ADAMTS20: variants seen among roughly 807,000 people sequenced by gnomAD.
ADAMTS20 encodes A disintegrin and metalloproteinase with thrombospondin motifs 20.
A neutral mutation model predicts 260.1 loss-of-function variants in ADAMTS20; 225 were observed. The observed-to-expected ratio is 0.87, with a 90% CI of 0.78 to 0.97. The LOEUF is 0.97. ADAMTS20 is among the 50% of genes least tolerant of loss of function. ADAMTS20 has a pLI of 0.00. For missense variants in ADAMTS20, 2,400 were observed against 2,337.7 expected (o/e 1.03, Z -0.55); for synonymous variants, 802 against 769.5 (o/e 1.04, Z -0.70).
At chr12:43,384,457 C>T (rs1173155058) in intron 29 of ADAMTS20, among the ~76,000 whole-genome samples, 1 of 151,922 alleles carries the variant, frequency 6.6e-6, no homozygotes, top group Admixed American at 6.6e-5. Flanking sequence ...TAAATACTTG[C>T]TAATTTTTTT....
chr12:43,525,994 A>T (rs1943136217), intron 3 of ADAMTS20, among the ~76,000 whole-genome samples: 1 of 152,192 alleles, frequency 6.6e-6, no homozygotes, highest in Non-Finnish European at 1.5e-5. Context: ...CAACATAGAA[A>T]CACTAGGCTT....
intron 31 of ADAMTS20, among the ~76,000 whole-genome samples, chr12:43,380,892 A>G (rs1940335350): frequency 6.6e-6 from 1 of 152,186 alleles, no homozygotes; most frequent in Non-Finnish European, 1.5e-5. Flanking sequence ...TGGTCCTAAA[A>G]TTCACATGGA....
At chr12:43,368,198 T>A (rs888563325) in intron 37 of ADAMTS20, among the ~76,000 whole-genome samples, 1 of 152,146 alleles carries the variant, frequency 6.6e-6, no homozygotes, top group African/African-American at 2.4e-5. Flanking sequence ...TGTTCCAGTG[T>A]CAAATAAAAA....
chr12:43,363,847 A>G (rs1412451318), intron 37 of ADAMTS20, among the ~76,000 whole-genome samples: 1 of 152,238 alleles, frequency 6.6e-6, no homozygotes, highest in African/African-American at 2.4e-5. Context: ...TCTCAAAAAC[A>G]GACTATAAGA....
In ADAMTS20 at chr12:43,425,604, A is replaced by G. The variant is rs1941317608; in HGVS notation, c.4194T>C (p.Cys1398=). The change falls in exon 28 of 39, where the codon TGT becomes TGC. Residue 1398 remains cysteine, a synonymous_variant. Transcript: ENST00000389420. ...CGCTAGGTGGCTTGTTTACAATTTC[A>G]CAGTTGTGATCTTCTAATATTTGGC... ...PNGQILEDHN[C]EIVNKPPSVI... The G allele has an allele frequency of 6.2e-7, 1 of 1,611,504 alleles. No homozygotes were observed. The highest frequency in any genetic ancestry group is 1.7e-5 in the Admixed American group (1 of 59,782).
chr12:43,420,352 TAG>T (rs1941202931), intron 28 of ADAMTS20, among the ~76,000 whole-genome samples: 1 of 152,216 alleles, frequency 6.6e-6, no homozygotes, highest in South Asian at 2.1e-4. Flanking sequence ...GAATGTACTT[TAG>T]AAAGATACAG....
At chr12:43,466,510 C>T (rs1168486000) in intron 9 of ADAMTS20, 142 bp downstream of exon 9, 5 of 656,936 alleles carry the variant, frequency 7.6e-6, no homozygotes, top group Non-Finnish European at 1.3e-5. Context: ...TCTTCTTGTT[C>T]TTAAACATCC....
At chr12:43,550,788 T>C (rs1943500589) in intron 2 of ADAMTS20, 121 bp downstream of exon 2, 1 of 1,388,166 alleles carries the variant, frequency 7.2e-7, no homozygotes, top group South Asian at 1.6e-5. Context: ...TTAATCCTTC[T>C]TGTAGCCCAA....
intron 3 of ADAMTS20, among the ~76,000 whole-genome samples, chr12:43,528,372 A>AAAAAAAAAAAAAAAAAAAAAAAAAAG (rs1943174652): frequency 6.7e-6 from 1 of 149,608 alleles, no homozygotes; most frequent in African/African-American, 2.4e-5. Flanking sequence ...AAAAAAAAAA[A>AAAAAAAAAAAAAAAAAAAAAAAAAAG]AACACAAATC....
At chr12:43,483,540 A>G (rs1592092493) in intron 7 of ADAMTS20, among the ~76,000 whole-genome samples, 2 of 152,310 alleles carry the variant, frequency 1.3e-5, no homozygotes, top group East Asian at 3.9e-4. Flanking sequence ...AACACCCTCC[A>G]GGTCCAGGCT....
intron 3 of ADAMTS20, among the ~76,000 whole-genome samples, chr12:43,526,053 C>G (rs1017371601): frequency 2.6e-5 from 4 of 152,212 alleles, no homozygotes; most frequent in Non-Finnish European, 5.9e-5. Context: ...ACAGAATATT[C>G]TACCCCAAAA....
At chr12:43,549,469 A>T (rs374412740) in intron 2 of ADAMTS20, among the ~76,000 whole-genome samples, 1 of 152,112 alleles carries the variant, frequency 6.6e-6, no homozygotes, top group African/African-American at 2.4e-5. Flanking sequence ...TTAAAAAAGG[A>T]TACTGAATAA....
At chr12:43,422,342 A>C (rs1941252214) in intron 28 of ADAMTS20, among the ~76,000 whole-genome samples, 1 of 152,132 alleles carries the variant, frequency 6.6e-6, no homozygotes, top group South Asian at 2.1e-4. Context: ...CTTAGTCAAC[A>C]GGATCTGTTG....
At chr12:43,543,266 T>A (rs10880523) in intron 2 of ADAMTS20, among the ~76,000 whole-genome samples, 48,761 of 151,978 alleles carry the variant, frequency 0.32, 8,143 homozygotes, top group East Asian at 0.56. Context: ...ATTATTATCA[T>A]GCCATTGCAC....
chr12:43,433,699 C>A, intron 19 of ADAMTS20: 1 of 292,344 alleles, frequency 3.4e-6, no homozygotes, highest in Non-Finnish European at 6.2e-6. Context: ...CACATGCACA[C>A]ACAAACACAC....
chr12:43,421,509 A>G (rs1941238535), intron 28 of ADAMTS20, among the ~76,000 whole-genome samples: 1 of 152,074 alleles, frequency 6.6e-6, no homozygotes, highest in Non-Finnish European at 1.5e-5. Flanking sequence ...AGAAAATTTA[A>G]GTAATATGAA....
At chr12:43,464,846 T>A in intron 9 of ADAMTS20, 114 bp from the exon 10 acceptor site, 1 of 1,224,702 alleles carries the variant, frequency 8.2e-7, no homozygotes, top group Non-Finnish European at 1.1e-6. Context: ...CAGTATTTAT[T>A]CATAACTTTA....
chr12:43,436,913 C>T (rs1941566927), intron 18 of ADAMTS20, among the ~76,000 whole-genome samples: 1 of 152,194 alleles, frequency 6.6e-6, no homozygotes, highest in African/African-American at 2.4e-5. Context: ...TGAGACTTCT[C>T]TCCAATGACA....
At chr12:43,447,180 C>T (rs925689982) in intron 14 of ADAMTS20, among the ~76,000 whole-genome samples, 1 of 133,052 alleles carries the variant, frequency 7.5e-6, no homozygotes, top group African/African-American at 2.7e-5. Context: ...GGCAGAGACA[C>T]GACAAAAAAA....
Sources: gnomAD v4.1 joint callset for allele counts (sites outside exome capture counted in the v4.1 genomes callset) on GRCh38, gnomAD v4.1.1 for gene constraint, MANE v1.5 for transcripts, NCBI Gene and HGNC (gene_info 2026-07-23, HGNC 2026-07-21) for gene names.